SLC7A1: variants seen among roughly 807,000 people sequenced by gnomAD.
SLC7A1 encodes the protein high affinity cationic amino acid transporter 1.
In SLC7A1, 10 loss-of-function variants were observed where a neutral mutation model predicts 53.9. The ratio of observed to expected loss-of-function variants is 0.19; its 90% CI spans 0.11 to 0.31. SLC7A1 has a LOEUF of 0.31. Ranked by LOEUF, SLC7A1 falls within the 10% of genes least tolerant of loss-of-function variation. SLC7A1 has a pLI of 1.00. For missense variants in SLC7A1, 525 were observed against 827.2 expected (o/e 0.63, Z 4.48); for synonymous variants, 342 against 338.7 (o/e 1.01, Z -0.11).
chr13:29,533,410 A>G (rs1334945847), intron 3 of SLC7A1, among the ~76,000 whole-genome samples: 1 of 152,202 alleles, frequency 6.6e-6, no homozygotes, highest in African/African-American at 2.4e-5. Context: ...GGCAGTCTGG[A>G]GGAATGCTGC....
At chr13:29,540,875 A>C (rs936747477) in intron 2 of SLC7A1, among the ~76,000 whole-genome samples, 1 of 152,208 alleles carries the variant, frequency 6.6e-6, no homozygotes, top group Non-Finnish European at 1.5e-5. Context: ...GGGTGGTATT[A>C]CTATTATAGG....
At chr13:29,544,867 C>CGG (rs11305796) in intron 2 of SLC7A1, among the ~76,000 whole-genome samples, 3,136 of 115,082 alleles carry the variant, frequency 0.027, 90 homozygotes, top group African/African-American at 0.052. Flanking sequence ...CCTGCCTCAT[C>CGG]GGGGGGGGGG....
chr13:29,539,193 G>A (rs116367512), intron 2 of SLC7A1, among the ~76,000 whole-genome samples: 150 of 152,062 alleles, frequency 9.9e-4, no homozygotes, highest in African/African-American at 3.4e-3. Flanking sequence ...TCTCAAAAAC[G>A]TGCTGTTGTC....
chr13:29,512,308 C>T lies in SLC7A1; in HGVS notation c.*2172G>A, dbSNP rs1335237876. On this transcript the variant is annotated 3_prime_UTR_variant, in exon 13 of 13. Transcript: ENST00000380752. ...AGGAAGGCCACAGACTCCCAGCTGT[C>T]AGCACGCTGTCATGATGAGACTTGG... 1 of 152,196 alleles carries T rather than the reference C, an allele frequency of 6.6e-6. No individual in the cohort carries two copies. Among genetic ancestry groups the T allele is most frequent in the Non-Finnish European group, 1.5e-5 (1 of 68,046 alleles). 9.4% of individuals were successfully genotyped at this position (152,196 alleles called of 1,614,324 possible).
Position 29,523,401 on chromosome 13 carries a change from G to A in SLC7A1, c.914C>T (p.Ser305Leu). The A allele has an allele frequency of 1.2e-6, 2 of 1,613,790 alleles. No homozygotes were observed. The highest frequency in any genetic ancestry group is 1.1e-5 in the South Asian group (1 of 91,076). Residue 305 changes from serine (S) to leucine (L), a missense_variant, in exon 7 of 13, where the codon TCG becomes TTG. Transcript: ENST00000380752. ...LICFIAYFGV[S>L]AALTLMMPYF... ...GGGCATCATGAGCGTGAGGGCAGCC[G>A]ACACCCCAAAGTAGGCGATGAAGCA...
At chr13:29,516,037 G>T in intron 12 of SLC7A1, 101 bp downstream of exon 12, 1 of 666,084 alleles carries the variant, frequency 1.5e-6, no homozygotes. Context: ...CTTCGAGAAA[G>T]CTGCTGACTG....
At chr13:29,594,739 C>A (rs1872238541) in intron 1 of SLC7A1, among the ~76,000 whole-genome samples, 1 of 152,206 alleles carries the variant, frequency 6.6e-6, no homozygotes, top group Admixed American at 6.5e-5. Context: ...GGGGAGACTT[C>A]CTCAAAGCAA....
intron 2 of SLC7A1, among the ~76,000 whole-genome samples, chr13:29,539,316 G>A (rs547859693): frequency 7.2e-5 from 11 of 152,298 alleles, no homozygotes; most frequent in African/African-American, 2.2e-4. Context: ...AACGGAAGGC[G>A]AATGTGAGCC....
chr13:29,570,212 C>G (rs934592003), intron 1 of SLC7A1, among the ~76,000 whole-genome samples: 3 of 152,200 alleles, frequency 2.0e-5, no homozygotes, highest in African/African-American at 7.2e-5. Context: ...TCCTCTGCCC[C>G]GAACTCAGCA....
chr13:29,527,194 T>A (rs2139087613), intron 5 of SLC7A1, among the ~76,000 whole-genome samples: 1 of 152,342 alleles, frequency 6.6e-6, no homozygotes, highest in South Asian at 2.1e-4. Context: ...ATATTTACAT[T>A]TGCTTGTGCT....
chr13:29,577,030 C>A (rs1459841397), intron 1 of SLC7A1, among the ~76,000 whole-genome samples: 1 of 152,182 alleles, frequency 6.6e-6, no homozygotes, highest in Non-Finnish European at 1.5e-5. Flanking sequence ...AATTTAAATA[C>A]CATTACAGAA....
intron 5 of SLC7A1, among the ~76,000 whole-genome samples, chr13:29,529,707 G>T (rs972689876): frequency 8.5e-5 from 13 of 152,214 alleles, no homozygotes; most frequent in African/African-American, 2.9e-4. Context: ...ACACTCCATT[G>T]TGGCAGTTGG....
At chr13:29,523,779 G>A (rs1868748113) in intron 6 of SLC7A1, among the ~76,000 whole-genome samples, 1 of 152,220 alleles carries the variant, frequency 6.6e-6, no homozygotes, top group Non-Finnish European at 1.5e-5. Flanking sequence ...AATCTGGGAG[G>A]CTCACTGAAG....
chr13:29,534,389 C>T (rs1462473083), intron 3 of SLC7A1, among the ~76,000 whole-genome samples: 1 of 152,200 alleles, frequency 6.6e-6, no homozygotes, highest in East Asian at 1.9e-4. Context: ...CATAACGGTC[C>T]ATTTACAATA....
At chr13:29,553,109 A>G (rs1870278332) in intron 2 of SLC7A1, among the ~76,000 whole-genome samples, 1 of 152,238 alleles carries the variant, frequency 6.6e-6, no homozygotes, top group South Asian at 2.1e-4. Flanking sequence ...GCCCTAGAGC[A>G]GATGGTTACA....
chr13:29,534,384 C>T (rs1048817144), intron 3 of SLC7A1, among the ~76,000 whole-genome samples: 3 of 152,194 alleles, frequency 2.0e-5, no homozygotes, highest in Non-Finnish European at 4.4e-5. Flanking sequence ...GGAAACATAA[C>T]GGTCCATTTA....
chr13:29,574,599 G>C (rs995322040), intron 1 of SLC7A1, among the ~76,000 whole-genome samples: 4 of 151,596 alleles, frequency 2.6e-5, no homozygotes, highest in Admixed American at 1.3e-4. Flanking sequence ...CCAAGGTCTA[G>C]GGTAAACCTT....
chr13:29,528,497 C>T (rs1869003706), intron 5 of SLC7A1, among the ~76,000 whole-genome samples: 1 of 152,182 alleles, frequency 6.6e-6, no homozygotes, highest in Non-Finnish European at 1.5e-5. Flanking sequence ...CTCACGGCCT[C>T]CCATGCAAGC....
At chr13:29,551,036 C>G (rs1294396575) in intron 2 of SLC7A1, among the ~76,000 whole-genome samples, 1 of 152,160 alleles carries the variant, frequency 6.6e-6, no homozygotes, top group Non-Finnish European at 1.5e-5. Flanking sequence ...AAGTAATTTC[C>G]TCCTCCTGGA....
Sources: gnomAD v4.1 joint callset for allele counts (sites outside exome capture counted in the v4.1 genomes callset) on GRCh38, gnomAD v4.1.1 for gene constraint, MANE v1.5 for transcripts, NCBI Gene and HGNC (gene_info 2026-07-23, HGNC 2026-07-21) for gene names.